CTNNA2: variants seen among roughly 807,000 people sequenced by gnomAD.
CTNNA2 encodes the protein catenin alpha 2.
Under a neutral mutation model 101.0 loss-of-function variants are expected in CTNNA2, and 42 were observed. That is an observed-to-expected ratio of 0.42 (90% confidence interval 0.32 to 0.54). CTNNA2 has a LOEUF of 0.54. Among genes scored for constraint, CTNNA2 ranks in the 20% least tolerant of loss-of-function variants. The pLI is 0.14. For synonymous variants in CTNNA2, 450 were observed against 456.4 expected (o/e 0.99, Z 0.18); for missense variants, 871 against 1,223.1 (o/e 0.71, Z 4.29).
intron 12 of CTNNA2, among the ~76,000 whole-genome samples, chr2:80,557,264 A>G (rs1445028613): frequency 6.6e-6 from 1 of 152,236 alleles, no homozygotes; most frequent in East Asian, 1.9e-4. Context: ...TTTCTTTCAC[A>G]TAAGCTTGCC....
chr2:79,628,571 A>G (rs1445089312), intron 1 of CTNNA2, among the ~76,000 whole-genome samples: 2 of 152,220 alleles, frequency 1.3e-5, no homozygotes, highest in East Asian at 3.9e-4. Context: ...AAGAATTAAT[A>G]ACATTTAAAT....
chr2:80,006,468 C>T (rs888942994), intron 7 of CTNNA2, among the ~76,000 whole-genome samples: 2 of 152,038 alleles, frequency 1.3e-5, no homozygotes, highest in Non-Finnish European at 2.9e-5. Flanking sequence ...GTCACAACCT[C>T]GGAGACCACA....
intron 18 of CTNNA2, among the ~76,000 whole-genome samples, chr2:80,621,586 T>C (rs1001399257): frequency 6.6e-6 from 1 of 152,002 alleles, no homozygotes; most frequent in Non-Finnish European, 1.5e-5. Context: ...CATACCTTTG[T>C]GTTATTCTAA....
intron 11 of CTNNA2, among the ~76,000 whole-genome samples, chr2:80,552,495 A>G (rs1553384222): frequency 6.6e-5 from 10 of 152,194 alleles, no homozygotes; most frequent in Non-Finnish European, 1.5e-4. Context: ...ACTGTGACTC[A>G]TTTTTTCATA....
intron 1 of CTNNA2, among the ~76,000 whole-genome samples, chr2:79,577,085 G>A (rs1490486085): frequency 6.6e-6 from 1 of 152,070 alleles, no homozygotes; most frequent in African/African-American, 2.4e-5. Flanking sequence ...AAATTTTCAT[G>A]TGAGAACCAT....
chr2:79,416,005 C>T (rs752048037), intron 4 of CTNNA2, among the ~76,000 whole-genome samples: 3 of 151,860 alleles, frequency 2.0e-5, no homozygotes, highest in Non-Finnish European at 2.9e-5. Context: ...ATAACTGTCT[C>T]ATCATTGAAA....
At chr2:80,212,341 A>G (rs60680337) in intron 7 of CTNNA2, among the ~76,000 whole-genome samples, 1 of 152,132 alleles carries the variant, frequency 6.6e-6, no homozygotes, top group Non-Finnish European at 1.5e-5. Flanking sequence ...TCAGTATGAT[A>G]TTGGGTGTGG....
At chr2:79,529,251 C>G (rs189603887) in intron 1 of CTNNA2, among the ~76,000 whole-genome samples, 2 of 152,172 alleles carry the variant, frequency 1.3e-5, no homozygotes, top group African/African-American at 4.8e-5. Context: ...TATACAGAAG[C>G]AAGAAGACTT....
chr2:79,526,689 A>G (rs1361096457), intron 1 of CTNNA2, among the ~76,000 whole-genome samples: 2 of 152,120 alleles, frequency 1.3e-5, no homozygotes, highest in Admixed American at 1.3e-4. Context: ...TGGTTAATTG[A>G]TTTTTCAACA....
intron 7 of CTNNA2, among the ~76,000 whole-genome samples, chr2:80,220,780 A>T (rs560244412): frequency 1.3e-5 from 2 of 152,184 alleles, no homozygotes; most frequent in East Asian, 1.9e-4. Context: ...CTTTTCTGCT[A>T]TTTTAGAGTT....
At chr2:79,975,406 C>A (rs987597079) in intron 7 of CTNNA2, among the ~76,000 whole-genome samples, 1 of 152,122 alleles carries the variant, frequency 6.6e-6, no homozygotes, top group Non-Finnish European at 1.5e-5. Context: ...AGTTTCCCCC[C>A]ACACACTAAG....
At chr2:79,882,566 G>A (rs368289333) in intron 6 of CTNNA2, among the ~76,000 whole-genome samples, 1 of 152,226 alleles carries the variant, frequency 6.6e-6, no homozygotes, top group Non-Finnish European at 1.5e-5. Context: ...CCTGGCTCCA[G>A]CAGGGGAAAA....
chr2:79,668,196 C>T (rs1448753787), intron 2 of CTNNA2, among the ~76,000 whole-genome samples: 1 of 141,548 alleles, frequency 7.1e-6, no homozygotes, highest in South Asian at 2.5e-4. Flanking sequence ...GCCGAGATTG[C>T]GCCACTGCAG....
intron 7 of CTNNA2, among the ~76,000 whole-genome samples, chr2:79,957,391 C>A (rs1415744280): frequency 6.6e-6 from 1 of 152,084 alleles, no homozygotes; most frequent in African/African-American, 2.4e-5. Context: ...TGGAAGGCAC[C>A]AGCAGGAGAT....
At chr2:79,829,304 G>C (rs1055264210) in intron 3 of CTNNA2, among the ~76,000 whole-genome samples, 1 of 150,298 alleles carries the variant, frequency 6.7e-6, no homozygotes, top group African/African-American at 2.4e-5. Context: ...GGATCATAAG[G>C]TCAGGAGTTG....
At chr2:80,163,612 C>G (rs549793407) in intron 7 of CTNNA2, among the ~76,000 whole-genome samples, 3 of 152,140 alleles carry the variant, frequency 2.0e-5, no homozygotes, top group African/African-American at 7.2e-5. Context: ...CAAGTGTTGG[C>G]TATATCCTAA....
In CTNNA2 at chr2:79,262,931, A is replaced by G. The variant is rs550861747; in HGVS notation, c.-405-49778A>G. On this transcript the variant is annotated intron_variant, in intron 2 of 21. Transcript: ENST00000466387. ...CACCATTCTAGGTGCTAGATCTACAATAGTAAACACTTCAGGAGTTAGAGA... is the reference window on the plus strand; with the variant it reads ...CACCATTCTAGGTGCTAGATCTACAGTAGTAAACACTTCAGGAGTTAGAGA... Among the ~76,000 whole-genome samples, 4 of 152,258 alleles carry G rather than the reference A, an allele frequency of 2.6e-5. No individual in the cohort carries two copies. The East Asian group carries it at 7.7e-4, about 29-fold the overall frequency.
At chr2:80,337,546 G>A (rs974903301) in intron 7 of CTNNA2, among the ~76,000 whole-genome samples, 4 of 142,964 alleles carry the variant, frequency 2.8e-5, no homozygotes, top group Admixed American at 7.2e-5. Context: ...GCAGAAGAAC[G>A]ATACTCCACA....
chr2:80,522,351 C>G (rs879784912), intron 9 of CTNNA2, among the ~76,000 whole-genome samples: 1 of 152,082 alleles, frequency 6.6e-6, no homozygotes, highest in Non-Finnish European at 1.5e-5. Flanking sequence ...GTTGGAGATC[C>G]AAGTTGGGGT....
Sources: allele counts gnomAD v4.1 joint callset (sites outside exome capture counted in the v4.1 genomes callset), GRCh38; gene constraint gnomAD v4.1.1; transcripts MANE v1.5; gene names NCBI Gene and HGNC (gene_info 2026-07-23, HGNC 2026-07-21).